The following SLCO1A2 variants were observed in gnomAD, a reference collection of about 807,000 sequenced individuals.
The protein encoded by SLCO1A2 is OATP-1.
A neutral mutation model predicts 69.0 loss-of-function variants in SLCO1A2; 67 were observed. The observed-to-expected ratio is 0.97, with a 90% CI of 0.80 to 1.19. SLCO1A2 has a LOEUF of 1.19. Ranked by LOEUF, SLCO1A2 falls within the 50% of genes most tolerant of loss-of-function variation. The pLI is 0.00. For missense variants in SLCO1A2, 787 were observed against 793.7 expected (o/e 0.99, Z 0.10); for synonymous variants, 260 against 265.9 (o/e 0.98, Z 0.22).
At chr12:21,356,355 A>G (rs1005666494) in intron 2 of SLCO1A2, among the ~76,000 whole-genome samples, 6 of 152,044 alleles carry the variant, frequency 3.9e-5, no homozygotes, top group Non-Finnish European at 7.4e-5. Flanking sequence ...TTTACCTCCT[A>G]AAAGAAAGAA....
intron 2 of SLCO1A2, among the ~76,000 whole-genome samples, chr12:21,371,935 C>A (rs1413923417): frequency 1.8e-4 from 27 of 150,792 alleles, no homozygotes. Context: ...CCGGGAGGCA[C>A]AGGTTACAGT....
At chr12:21,382,516 T>C (rs1169767124) in intron 1 of SLCO1A2, among the ~76,000 whole-genome samples, 1 of 151,798 alleles carries the variant, frequency 6.6e-6, no homozygotes, top group Non-Finnish European at 1.5e-5. Context: ...AGAAAGAAAA[T>C]GGCTGATGCG....
intron 12 of SLCO1A2, among the ~76,000 whole-genome samples, chr12:21,285,283 A>C (rs902877787): frequency 6.6e-6 from 1 of 152,234 alleles, no homozygotes; most frequent in Non-Finnish European, 1.5e-5. Context: ...TCCTTGACAC[A>C]TACACTCTCC....
At chr12:21,285,126 A>C (rs1264364520) in intron 12 of SLCO1A2, among the ~76,000 whole-genome samples, 2 of 142,324 alleles carry the variant, frequency 1.4e-5, no homozygotes, top group African/African-American at 5.3e-5. Context: ...TAATAAAGAA[A>C]AAAAGAGAGA....
At chr12:21,322,029 T>C (rs4115170) in intron 2 of SLCO1A2, among the ~76,000 whole-genome samples, 48,044 of 152,062 alleles carry the variant, frequency 0.32, 7,738 homozygotes, top group East Asian at 0.35. Context: ...TACAAGTTTA[T>C]TGAATTAATG....
In SLCO1A2 at chr12:21,269,015, A is replaced by G. The variant is rs1327305882; in HGVS notation, c.*533T>C. 6.6e-6 allele frequency: 1 copy of G among 152,196 alleles called. No homozygotes were observed. The highest frequency in any genetic ancestry group is 6.6e-5 in the Admixed American group (1 of 15,208). The allele number at this position is 152,196 out of a possible 1,614,324, so 9.4% of individuals were successfully genotyped here. A position where few individuals can be genotyped will look rare whatever the true frequency, so the allele number is the denominator to read the frequency against. ...AGGGTATATTTATGAGTAATCTATTATATAGGAGTCATGCCTAGAATGAAT... is the reference window on the plus strand; with the variant it reads ...AGGGTATATTTATGAGTAATCTATTGTATAGGAGTCATGCCTAGAATGAAT... On this transcript the variant is annotated 3_prime_UTR_variant, in exon 15 of 15. Transcript: ENST00000683939.
chr12:21,413,465 C>T (rs1318376895), intron 1 of SLCO1A2, among the ~76,000 whole-genome samples: 1 of 151,944 alleles, frequency 6.6e-6, no homozygotes, highest in Non-Finnish European at 1.5e-5. Context: ...TGGTCTCCAA[C>T]TCCTGGCCTC....
intron 14 of SLCO1A2, among the ~76,000 whole-genome samples, chr12:21,273,733 A>T (rs1199711543): frequency 1.3e-5 from 2 of 152,158 alleles, no homozygotes; most frequent in Non-Finnish European, 2.9e-5. Context: ...GGGAAAGGGG[A>T]ATAGATGCAG....
chr12:21,307,271 C>A (rs1331673542), intron 4 of SLCO1A2, among the ~76,000 whole-genome samples: 1 of 152,096 alleles, frequency 6.6e-6, no homozygotes, highest in East Asian at 1.9e-4. Flanking sequence ...TTTAGGTTAT[C>A]ATTTCCTGGA....
upstream of SLCO1A2, among the ~76,000 whole-genome samples, chr12:21,397,707 G>A (rs1456534633): frequency 4.4e-4 from 64 of 146,070 alleles, no homozygotes; most frequent in Admixed American, 9.7e-4. Flanking sequence ...CTAGAACTCA[G>A]GATTAAGAAT....
intron 2 of SLCO1A2, among the ~76,000 whole-genome samples, chr12:21,364,086 C>T (rs1396703613): frequency 2.0e-5 from 3 of 152,038 alleles, no homozygotes; most frequent in African/African-American, 7.2e-5. Flanking sequence ...CTGGCAGAAA[C>T]ACAACAAAAA....
chr12:21,322,814 G>A (rs1404241042), intron 2 of SLCO1A2, among the ~76,000 whole-genome samples: 1 of 152,144 alleles, frequency 6.6e-6, no homozygotes, highest in Non-Finnish European at 1.5e-5. Context: ...AATGCCTTTG[G>A]CTGAGAGGAA....
chr12:21,277,056 G>A (rs1943990757), intron 12 of SLCO1A2, among the ~76,000 whole-genome samples: 1 of 152,222 alleles, frequency 6.6e-6, no homozygotes, highest in African/African-American at 2.4e-5. Context: ...TGAGACACCA[G>A]CCAGGGAAGC....
chr12:21,317,489 T>G (rs1951025042), intron 3 of SLCO1A2, among the ~76,000 whole-genome samples: 1 of 152,216 alleles, frequency 6.6e-6, no homozygotes, highest in South Asian at 2.1e-4. Flanking sequence ...GTGTTTCTTC[T>G]GTCCCTGTAA....
intron 2 of SLCO1A2, among the ~76,000 whole-genome samples, chr12:21,364,508 C>T (rs1280127652): frequency 6.6e-6 from 1 of 152,174 alleles, no homozygotes; most frequent in Non-Finnish European, 1.5e-5. Flanking sequence ...TGCCCTCTCT[C>T]ACCACTCCTA....
intron 1 of SLCO1A2, among the ~76,000 whole-genome samples, chr12:21,414,735 T>G (rs941161026): frequency 6.6e-6 from 1 of 152,182 alleles, no homozygotes; most frequent in African/African-American, 2.4e-5. Context: ...ATTTCCAAAC[T>G]TTTACATATT....
intron 2 of SLCO1A2, among the ~76,000 whole-genome samples, chr12:21,342,992 G>A (rs778645570): frequency 1.3e-5 from 2 of 152,056 alleles, no homozygotes; most frequent in Non-Finnish European, 2.9e-5. Flanking sequence ...CATGACCTGT[G>A]CGTCACATCC....
chr12:21,367,632 TA>T (rs1387494390), intron 2 of SLCO1A2, among the ~76,000 whole-genome samples: 1 of 151,738 alleles, frequency 6.6e-6, no homozygotes, highest in Admixed American at 6.6e-5. Flanking sequence ...AAAGGTTAAA[TA>T]AAAAAGGAAA....
chr12:21,410,651 T>C (rs1429243613), intron 1 of SLCO1A2, among the ~76,000 whole-genome samples: 11 of 152,218 alleles, frequency 7.2e-5, no homozygotes, highest in Admixed American at 7.2e-4. Context: ...AATGGTGTGT[T>C]AATGCTCAAC....
Sources: allele counts gnomAD v4.1 joint callset (sites outside exome capture counted in the v4.1 genomes callset), GRCh38; gene constraint gnomAD v4.1.1; transcripts MANE v1.5; gene names NCBI Gene and HGNC (gene_info 2026-07-23, HGNC 2026-07-21).